Variants in RGS9 observed in about 807,000 individuals in gnomAD.
RGS9 encodes regulator of G protein signaling 9, also known as regulator of G-protein signalling 9.
A neutral mutation model predicts 102.0 loss-of-function variants in RGS9; 78 were observed. The observed-to-expected ratio is 0.76, with a 90% confidence interval of 0.64 to 0.92. RGS9 has a LOEUF of 0.92. RGS9 is among the 40% of genes least tolerant of loss of function. RGS9 has a pLI of 0.00. For synonymous variants in RGS9, 353 were observed against 318.6 expected (o/e 1.11, Z -1.15); for missense variants, 833 against 866.1 (o/e 0.96, Z 0.48).
intron 17 of RGS9, among the ~76,000 whole-genome samples, chr17:65,221,348 A>G (rs1172677839): frequency 6.6e-6 from 1 of 152,204 alleles, no homozygotes; most frequent in Non-Finnish European, 1.5e-5. Context: ...CATGAACCTC[A>G]GTTGTCTTAT....
intron 9 of RGS9, among the ~76,000 whole-genome samples, chr17:65,185,786 C>G (rs893689686): frequency 3.3e-5 from 5 of 152,146 alleles, no homozygotes; most frequent in African/African-American, 1.2e-4. Context: ...ATTGTAAACC[C>G]CCGAAGACTG....
intron 17 of RGS9, among the ~76,000 whole-genome samples, chr17:65,211,362 C>A (rs548793896): frequency 2.6e-5 from 4 of 152,282 alleles, no homozygotes; most frequent in Admixed American, 2.6e-4. Flanking sequence ...ATCCCCTTGT[C>A]CATGCTGGGG....
At chr17:65,201,899 C>A in intron 13 of RGS9, 94 bp from the exon 14 acceptor site, 1 of 843,316 alleles carries the variant, frequency 1.2e-6, no homozygotes, top group Non-Finnish European at 2.0e-6. Context: ...GAAATGGAAT[C>A]CATCCCGGTT....
chr17:65,226,386 C>T (rs77827830), intron 18 of RGS9, among the ~76,000 whole-genome samples: 1,635 of 152,246 alleles, frequency 0.011, 27 homozygotes, highest in African/African-American at 0.038. Context: ...GTTATCCCTC[C>T]TGCCTGTGTC....
At chr17:65,218,046 T>C (rs1479127833) in intron 17 of RGS9, among the ~76,000 whole-genome samples, 1 of 152,094 alleles carries the variant, frequency 6.6e-6, no homozygotes, top group Non-Finnish European at 1.5e-5. Context: ...TGTGAGGCAG[T>C]GATGATGGAT....
chr17:65,182,753 TCCA>T (rs1251051775), intron 9 of RGS9, among the ~76,000 whole-genome samples: 1 of 152,098 alleles, frequency 6.6e-6, no homozygotes, highest in Non-Finnish European at 1.5e-5. Context: ...TGCTCCCCTC[TCCA>T]CCCCACAAGG....
intron 3 of RGS9, among the ~76,000 whole-genome samples, 165 bp from the exon 4 acceptor site, chr17:65,160,068 C>T (rs1246145698): frequency 3.9e-5 from 6 of 152,252 alleles, no homozygotes; most frequent in South Asian, 2.1e-4. Context: ...ACCCAGCTCA[C>T]GCTTGTCCAC....
intron 6 of RGS9, 108 bp downstream of exon 6, chr17:65,161,017 A>G (rs1470420093): frequency 1.1e-6 from 1 of 901,540 alleles, no homozygotes; most frequent in East Asian, 2.5e-5. Context: ...CCACATTCAT[A>G]TGCAATCCAT....
chr17:65,215,455 T>G (rs1254176432), intron 17 of RGS9, among the ~76,000 whole-genome samples: 2 of 151,996 alleles, frequency 1.3e-5, no homozygotes, highest in Non-Finnish European at 2.9e-5. Context: ...TTACGGAGTT[T>G]CTCTTTCTTT....
chr17:65,226,232 A>C (rs1905671138), intron 18 of RGS9, among the ~76,000 whole-genome samples: 1 of 152,208 alleles, frequency 6.6e-6, no homozygotes, highest in Non-Finnish European at 1.5e-5. Flanking sequence ...ATCAGCTCCT[A>C]CACTTACTGA....
In RGS9 at chr17:65,204,170, C is replaced by T. The variant is rs1912957772; in HGVS notation, c.1072C>T (p.Leu358=). 1.2e-6 allele frequency: 2 copies of T among 1,612,444 alleles called. No individual in the cohort carries two copies. Among genetic ancestry groups the T allele is most frequent in the Admixed American group, 1.7e-5 (1 of 60,006 alleles). ...EKAEEIYKLF[L]APGARRWINI... Reference sequence around the variant, plus strand: ...ATCTCCCTCCCACCCCAGGCTGTTCCTGGCCCCGGGGGCGAGGCGCTGGAT... The same window carrying T: ...ATCTCCCTCCCACCCCAGGCTGTTCTTGGCCCCGGGGGCGAGGCGCTGGAT... The change falls in exon 15 of 19, where the codon CTG becomes TTG. Residue 358 remains leucine (L), a synonymous_variant. Coordinates refer to ENST00000262406, the MANE Select transcript of RGS9 (RefSeq NM_003835.4).
chr17:65,147,529 C>T (rs1248607797), intron 1 of RGS9, among the ~76,000 whole-genome samples: 2 of 151,568 alleles, frequency 1.3e-5, no homozygotes, highest in Non-Finnish European at 2.9e-5. Flanking sequence ...CTTCAGGACT[C>T]CCTTGAATGA....
rs1353583642 is a variant in RGS9, at chr17:65,168,308, C to T, written c.582+27C>T. 12 of 1,494,582 alleles carry T rather than the reference C, an allele frequency of 8.0e-6. No homozygotes were observed. In the South Asian group the frequency reaches 1.2e-4, roughly 15 times the overall value. 92.6% of individuals were successfully genotyped at this position (1,494,582 alleles called of 1,614,324 possible). A position where few individuals can be genotyped will look rare whatever the true frequency, so the allele number is the denominator to read the frequency against. ...TGAGTATCCTCCTGCCTGGTGTCCTCTGTCTCTTCCTGTGCCTCCCACCTC... is the reference window on the plus strand; with the variant it reads ...TGAGTATCCTCCTGCCTGGTGTCCTTTGTCTCTTCCTGTGCCTCCCACCTC... On this transcript the variant is annotated intron_variant, in intron 8 of 18. Transcript: ENST00000262406.
chr17:65,153,574 G>A (rs563138814), intron 2 of RGS9, 56 bp downstream of exon 2: 33 of 1,344,434 alleles, frequency 2.5e-5, no homozygotes, highest in East Asian at 1.6e-4. Flanking sequence ...GGCCCAATAC[G>A]GCCCACCTCC....
chr17:65,193,558 T>C lies in RGS9; in HGVS notation c.762T>C (p.Ser254=). Residue 254 remains serine (S), a synonymous_variant, in exon 12 of 19, where the codon AGT becomes AGC. Transcript: ENST00000262406. Reference sequence around the variant, plus strand: ...TCCTTTTCAGGATTGTGAAATACAGTGAGCAGTTCTCATCCAACGATGCCA... The same window carrying C: ...TCCTTTTCAGGATTGTGAAATACAGCGAGCAGTTCTCATCCAACGATGCCA... The part of the protein sequence containing the change: ...SVSLGGIVKY[S]EQFSSNDAIM... 6.2e-7 allele frequency: 1 copy of C among 1,611,356 alleles called. No homozygotes were observed. The highest frequency in any genetic ancestry group is 8.5e-7 in the Non-Finnish European group (1 of 1,177,434).
At position 65,202,196 on chromosome 17, in the gene RGS9, G is replaced by C. The variant is rs1048141139; in HGVS notation, c.1064+116G>C. 29 of 730,266 alleles carry C rather than the reference G, an allele frequency of 4.0e-5. No homozygotes were observed. In the African/African-American group the frequency reaches 4.2e-4, roughly 10 times the overall value. 45.2% of individuals were successfully genotyped at this position (730,266 alleles called of 1,614,324 possible). ...ACAGCCTGGTAGCTGGCTGGGCCCT[G>C]GTCAGCATCAGTTCACTGTACTTGC... On this transcript the variant is annotated intron_variant, in intron 14 of 18. Transcript: ENST00000262406.
intron 1 of RGS9, among the ~76,000 whole-genome samples, chr17:65,139,223 C>T (rs1434329634): frequency 7.1e-6 from 1 of 141,552 alleles, no homozygotes; most frequent in Non-Finnish European, 1.5e-5. Flanking sequence ...TCCTAACTTA[C>T]CTCTCCTCTA....
chr17:65,174,786 G>A (rs1010271178), intron 8 of RGS9, among the ~76,000 whole-genome samples: 2 of 152,164 alleles, frequency 1.3e-5, no homozygotes, highest in Admixed American at 6.5e-5. Context: ...AGGTTTAATT[G>A]ACTCACAGTT....
At chr17:65,202,444 T>TGTGTGTGTGTGTGTGTGTGA (rs3838367) in intron 14 of RGS9, among the ~76,000 whole-genome samples, 3 of 131,708 alleles carry the variant, frequency 2.3e-5, no homozygotes, top group African/African-American at 9.2e-5. Flanking sequence ...TGTGTGTGTG[T>TGTGTGTGTGTGTGTGTGTGA]GAGAGAGAGA....
Sources: allele counts gnomAD v4.1 joint callset (sites outside exome capture counted in the v4.1 genomes callset), GRCh38; gene constraint gnomAD v4.1.1; transcripts MANE v1.5; gene names NCBI Gene and HGNC (gene_info 2026-07-23, HGNC 2026-07-21).